NUCB2: variants seen among roughly 807,000 people sequenced by gnomAD.
NUCB2 encodes nucleobindin-2.
In NUCB2, 48 loss-of-function variants were observed where a neutral mutation model predicts 57.9. That is an observed-to-expected ratio of 0.83 (90% CI 0.66 to 1.05). The LOEUF is 1.05. Ranked by LOEUF, NUCB2 falls within the 50% of genes least tolerant of loss-of-function variation. The pLI is 0.00. For missense variants in NUCB2, 442 were observed against 476.2 expected, an observed-to-expected ratio of 0.93 and a Z score of 0.67; for synonymous variants, 139 against 152.1, an observed-to-expected ratio of 0.91 and a Z score of 0.64.
At position 17,331,051 on chromosome 11, in the gene NUCB2, T is replaced by A. The variant is rs527561792; in HGVS notation, c.1255+68T>A. 98 of 999,630 alleles carry A rather than the reference T, an allele frequency of 9.8e-5. No homozygotes were observed. In the East Asian group the frequency reaches 2.5e-3, roughly 25 times the overall value. 61.9% of individuals were successfully genotyped at this position (999,630 alleles called of 1,614,324 possible). A position where few individuals can be genotyped will look rare whatever the true frequency, so the allele number is the denominator to read the frequency against. ...TTTTATCAATTGAAATCCACATTTA[T>A]TACAAATATAATTTCAAATCATTAA... On this transcript the variant is annotated intron_variant, in intron 13 of 13. Transcript: ENST00000529010.
intron 10 of NUCB2, 21 bp from the exon 11 acceptor site, chr11:17,315,365 T>A (rs769101000): frequency 7.4e-7 from 1 of 1,350,746 alleles, no homozygotes; most frequent in African/African-American, 1.4e-5. Flanking sequence ...TTATATTATG[T>A]ATACATTTTG....
At chr11:17,312,690 C>A (rs1194874075) in intron 10 of NUCB2, among the ~76,000 whole-genome samples, 3 of 150,202 alleles carry the variant, frequency 2.0e-5, no homozygotes, top group African/African-American at 7.4e-5. Flanking sequence ...GATGGGATTA[C>A]AGGCATGAGC....
chr11:17,301,893 G>A (rs756462295), intron 5 of NUCB2, 23 bp downstream of exon 5: 2 of 1,592,978 alleles, frequency 1.3e-6, no homozygotes, highest in Non-Finnish European at 1.7e-6. Flanking sequence ...CAAAAGGTAG[G>A]ATTTTTTTTT....
At chr11:17,348,459 C>T (rs1952950758) in intron 2 of NUCB2, among the ~76,000 whole-genome samples, 1 of 150,352 alleles carries the variant, frequency 6.7e-6, no homozygotes, top group Non-Finnish European at 1.5e-5. Context: ...CCACCTCAGC[C>T]TCTCAAATAG....
intron 2 of NUCB2, among the ~76,000 whole-genome samples, chr11:17,294,786 G>A (rs1168447357): frequency 6.6e-6 from 1 of 151,294 alleles, no homozygotes; most frequent in Non-Finnish European, 1.5e-5. Context: ...AGTGGCTCAC[G>A]CCTGTAATCT....
intron 2 of NUCB2, among the ~76,000 whole-genome samples, chr11:17,294,797 T>C (rs1591309556): frequency 2.6e-5 from 4 of 152,102 alleles, no homozygotes; most frequent in Admixed American, 2.6e-4. Flanking sequence ...CCTGTAATCT[T>C]TGCACTTTGG....
chr11:17,303,884 CAA>C (rs1237614290), intron 5 of NUCB2, among the ~76,000 whole-genome samples: 8 of 54,638 alleles, frequency 1.5e-4, no homozygotes, highest in Non-Finnish European at 1.2e-4. Flanking sequence ...GACTCCATCT[CAA>C]AAAAAAAAAA....
intron 2 of NUCB2, among the ~76,000 whole-genome samples, chr11:17,345,083 T>G (rs1335709344): frequency 6.6e-6 from 1 of 152,220 alleles, no homozygotes; most frequent in Non-Finnish European, 1.5e-5. Flanking sequence ...TAGCTTTTAA[T>G]AGAAATATCT....
intron 11 of NUCB2, among the ~76,000 whole-genome samples, chr11:17,328,252 C>T (rs1281030695): frequency 2.6e-5 from 4 of 152,210 alleles, no homozygotes; most frequent in Non-Finnish European, 5.9e-5. Flanking sequence ...AATGGTCTCT[C>T]TCTCTGTGCT....
chr11:17,315,955 G>T (rs1018173907), intron 11 of NUCB2, among the ~76,000 whole-genome samples: 4 of 151,750 alleles, frequency 2.6e-5, no homozygotes, highest in African/African-American at 9.7e-5. Context: ...TGTGTTTTTT[G>T]TTGTTGTTTG....
intron 5 of NUCB2, among the ~76,000 whole-genome samples, chr11:17,306,118 A>G (rs776569105): frequency 5.9e-5 from 9 of 152,192 alleles, no homozygotes; most frequent in Non-Finnish European, 1.0e-4. Context: ...TGAACTTTCT[A>G]ATTATGAGTC....
downstream of NUCB2, chr11:17,334,175 ATCT>A (rs1591606103): frequency 6.6e-6 from 1 of 152,366 alleles, no homozygotes; most frequent in Middle Eastern, 3.4e-3. Flanking sequence ...AAGCAATGAA[ATCT>A]TCTTTAGCTA....
chr11:17,343,727 G>C (rs1338145695), intron 2 of NUCB2, among the ~76,000 whole-genome samples: 2 of 152,044 alleles, frequency 1.3e-5, no homozygotes, highest in Non-Finnish European at 2.9e-5. Flanking sequence ...TTTTATGGAG[G>C]TATTTATTGA....
At chr11:17,297,414 T>A (rs1946000894) in intron 4 of NUCB2, among the ~76,000 whole-genome samples, 1 of 152,222 alleles carries the variant, frequency 6.6e-6, no homozygotes, top group African/African-American at 2.4e-5. Context: ...TTCGCAGCTC[T>A]CCTCTTGGAA....
chr11:17,297,808 G>A (rs1003201794), intron 4 of NUCB2, among the ~76,000 whole-genome samples: 7 of 152,190 alleles, frequency 4.6e-5, no homozygotes, highest in African/African-American at 7.2e-5. Context: ...GAGGGTCCGT[G>A]TGTGGTGGCT....
chr11:17,336,733 G>A (rs1951834566), downstream of NUCB2, among the ~76,000 whole-genome samples: 1 of 120,724 alleles, frequency 8.3e-6, no homozygotes, highest in African/African-American at 3.3e-5. Flanking sequence ...CAGCCTGGGC[G>A]ACAGAGCGAG....
rs1941412231 is a variant in NUCB2 at position 17,276,821 on chromosome 11, C to G, written c.-163C>G. 1 of 152,314 alleles carries G rather than the reference C, an allele frequency of 6.6e-6. No individual in the cohort carries two copies. The highest frequency in any genetic ancestry group is 1.5e-5 in the Non-Finnish European group (1 of 68,158). The allele number at this position is 152,314 out of a possible 1,614,324, so 9.4% of individuals were successfully genotyped here. Reference sequence around the variant, plus strand: ...CAGGCGCAGCCTCGCTCGCCGAGACCCGGCCAGGTAAGGCCGGTGGCCGCG... The same window carrying G: ...CAGGCGCAGCCTCGCTCGCCGAGACGCGGCCAGGTAAGGCCGGTGGCCGCG... On this transcript the variant is annotated 5_prime_UTR_variant, in exon 1 of 14. Transcript: ENST00000529010.
intron 5 of NUCB2, among the ~76,000 whole-genome samples, chr11:17,302,586 T>A (rs1946919841): frequency 6.6e-6 from 1 of 152,098 alleles, no homozygotes; most frequent in African/African-American, 2.4e-5. Context: ...GAAAATCTTT[T>A]AGGAGACGAG....
intron 11 of NUCB2, among the ~76,000 whole-genome samples, chr11:17,329,468 T>C (rs993927593): frequency 6.6e-6 from 1 of 152,232 alleles, no homozygotes; most frequent in Non-Finnish European, 1.5e-5. Context: ...TGCCCATTGC[T>C]GGGATGGGTG....
Sources: gnomAD v4.1 joint callset for allele counts (sites outside exome capture counted in the v4.1 genomes callset) on GRCh38, gnomAD v4.1.1 for gene constraint, MANE v1.5 for transcripts, NCBI Gene and HGNC (gene_info 2026-07-23, HGNC 2026-07-21) for gene names.